Variants in FCHSD2 observed in about 807,000 individuals in gnomAD.
The protein encoded by FCHSD2 is F-BAR and double SH3 domains protein 2.
FCHSD2 carries 38 observed loss-of-function variants against 108.1 expected under a neutral mutation model. The ratio of observed to expected loss-of-function variants is 0.35; its 90% confidence interval spans 0.27 to 0.46. The LOEUF is 0.46. Ranked by LOEUF, FCHSD2 falls within the 20% of genes least tolerant of loss-of-function variation. The pLI is 1.00. For missense variants in FCHSD2, 751 were observed against 897.8 expected, an observed-to-expected ratio of 0.84 and a Z score of 2.09; for synonymous variants, 279 against 314.7, an observed-to-expected ratio of 0.89 and a Z score of 1.20.
intron 2 of FCHSD2, among the ~76,000 whole-genome samples, chr11:73,117,291 C>G (rs916535551): frequency 6.6e-6 from 1 of 152,180 alleles, no homozygotes; most frequent in African/African-American, 2.4e-5. Context: ...TTTGGACAAG[C>G]AGGAAGTGGA....
At chr11:72,895,281 A>C (rs1381615440) in intron 10 of FCHSD2, among the ~76,000 whole-genome samples, 1 of 152,204 alleles carries the variant, frequency 6.6e-6, no homozygotes, top group Non-Finnish European at 1.5e-5. Flanking sequence ...TGGGGTGAAG[A>C]AATGATGAGA....
At chr11:72,913,873 T>C (rs1321298276) in intron 9 of FCHSD2, among the ~76,000 whole-genome samples, 1 of 144,588 alleles carries the variant, frequency 6.9e-6, no homozygotes, top group Admixed American at 6.8e-5. Flanking sequence ...AACAAGGGAA[T>C]TGAAGGACCT....
chr11:72,872,500 A>C lies in FCHSD2; in HGVS notation c.1147-4474T>G, dbSNP rs557698165. On this transcript the variant is annotated intron_variant, in intron 12 of 19. Transcript: ENST00000409418. ...ATCACTATTCTACTTTCTGTCTATA[A>C]AGATTTGCCTATTCCAGACATTTAA... Among the ~76,000 whole-genome samples the C allele has an allele frequency of 5.9e-5, 9 of 152,166 alleles. No individual in the cohort carries two copies. The South Asian group carries it at 1.9e-3, about 32-fold the overall frequency.
intron 8 of FCHSD2, among the ~76,000 whole-genome samples, chr11:72,963,049 A>G (rs918025795): frequency 6.6e-6 from 1 of 152,160 alleles, no homozygotes; most frequent in African/African-American, 2.4e-5. Context: ...AAGAGGGATA[A>G]TAATAGCACC....
chr11:73,123,483 G>A (rs1191032631), intron 2 of FCHSD2, among the ~76,000 whole-genome samples: 5 of 152,092 alleles, frequency 3.3e-5, no homozygotes, highest in African/African-American at 9.7e-5. Flanking sequence ...ATCTACCAAC[G>A]CAGAATCTTA....
intron 12 of FCHSD2, among the ~76,000 whole-genome samples, chr11:72,886,633 C>T (rs866516788): frequency 6.6e-6 from 1 of 152,180 alleles, no homozygotes; most frequent in Non-Finnish European, 1.5e-5. Context: ...CACATTGCTG[C>T]TGAGTAGATA....
At chr11:72,998,569 A>C (rs565088259) in intron 5 of FCHSD2, among the ~76,000 whole-genome samples, 2 of 152,194 alleles carry the variant, frequency 1.3e-5, no homozygotes, top group South Asian at 4.2e-4. Context: ...TGGAACAAGG[A>C]TTGGGGAATA....
intron 2 of FCHSD2, among the ~76,000 whole-genome samples, chr11:73,097,386 T>TTA (rs1407028398): frequency 2.0e-5 from 3 of 148,118 alleles, no homozygotes; most frequent in African/African-American, 7.3e-5. Flanking sequence ...ATTTATTTAT[T>TTA]TTTTTTTTTT....
At position 73,082,116 on chromosome 11, in the gene FCHSD2, T is replaced by C. The variant is rs1859702623; in HGVS notation, c.165+1579A>G. Among the ~76,000 whole-genome samples the C allele has an allele frequency of 2.0e-5, 3 of 151,824 alleles. No homozygotes were observed. In the South Asian group the frequency reaches 6.2e-4, roughly 32 times the overall value. ...ACTTTGGGAGGCCGAGGTAGGCGGA[T>C]CACGTGGTCAAGAGATTGAGACCAT... On this transcript the variant is annotated intron_variant, in intron 3 of 19. Transcript: ENST00000409418.
intron 8 of FCHSD2, among the ~76,000 whole-genome samples, chr11:72,932,037 G>A (rs1434805353): frequency 1.3e-5 from 2 of 152,110 alleles, no homozygotes; most frequent in Non-Finnish European, 2.9e-5. Flanking sequence ...TTTTCCATCT[G>A]CTTTTCTTTT....
intron 3 of FCHSD2, among the ~76,000 whole-genome samples, chr11:73,078,079 G>T (rs1490555310): frequency 1.3e-5 from 2 of 152,066 alleles, no homozygotes; most frequent in Non-Finnish European, 2.9e-5. Flanking sequence ...ACATAATTAT[G>T]ACTTGTACTC....
At chr11:73,075,330 T>C (rs1248604904) in intron 3 of FCHSD2, among the ~76,000 whole-genome samples, 4 of 152,190 alleles carry the variant, frequency 2.6e-5, no homozygotes, top group East Asian at 1.9e-4. Flanking sequence ...CACATTCATA[T>C]AGTCACCAAA....
At chr11:72,874,054 A>G in intron 12 of FCHSD2, among the ~76,000 whole-genome samples, 1 of 152,204 alleles carries the variant, frequency 6.6e-6, no homozygotes, top group East Asian at 1.9e-4. Flanking sequence ...ACTGCATATG[A>G]TCTGGTGCTG....
At chr11:72,896,315 C>T (rs1258443363) in intron 10 of FCHSD2, among the ~76,000 whole-genome samples, 2 of 152,250 alleles carry the variant, frequency 1.3e-5, no homozygotes, top group East Asian at 1.9e-4. Context: ...AGGAAGTTTC[C>T]GTGTTTTTCC....
At chr11:73,043,743 A>G (rs896589365) in intron 3 of FCHSD2, among the ~76,000 whole-genome samples, 3 of 152,204 alleles carry the variant, frequency 2.0e-5, no homozygotes, top group Admixed American at 6.5e-5. Flanking sequence ...GAGATATGAT[A>G]TGTGTTACAT....
At chr11:73,040,538 T>C (rs1034072090) in intron 3 of FCHSD2, among the ~76,000 whole-genome samples, 2 of 152,208 alleles carry the variant, frequency 1.3e-5, no homozygotes, top group African/African-American at 4.8e-5. Flanking sequence ...CTGTTGGTGA[T>C]ACCTTCCCTT....
intron 8 of FCHSD2, chr11:72,983,866 T>G (rs778831777): frequency 1.6e-6 from 1 of 632,628 alleles, no homozygotes; most frequent in South Asian, 1.5e-5. Context: ...GGGAATAATA[T>G]AATCCTTTAC....
intron 10 of FCHSD2, chr11:72,900,247 C>A (rs1045148646): frequency 3.0e-6 from 4 of 1,337,026 alleles, no homozygotes; most frequent in Non-Finnish European, 4.2e-6. Flanking sequence ...TTGACCCACA[C>A]CCCATATACC....
At chr11:72,882,419 G>A (rs1292111457) in intron 12 of FCHSD2, among the ~76,000 whole-genome samples, 1 of 147,636 alleles carries the variant, frequency 6.8e-6, no homozygotes, top group Non-Finnish European at 1.5e-5. Context: ...TTATGGGGAA[G>A]GAGAAGAAGA....
Sources: allele counts gnomAD v4.1 joint callset (sites outside exome capture counted in the v4.1 genomes callset), GRCh38; gene constraint gnomAD v4.1.1; transcripts MANE v1.5; gene names NCBI Gene and HGNC (gene_info 2026-07-23, HGNC 2026-07-21).